The following TMEM181 variants were observed in gnomAD, a reference collection of about 807,000 sequenced individuals.
TMEM181 encodes the protein transmembrane protein 181, also known as G protein-coupled receptor 178.
In TMEM181, 39 loss-of-function variants were observed where a neutral mutation model predicts 71.9. The observed-to-expected ratio is 0.54, with a 90% CI of 0.42 to 0.71. The LOEUF (loss-of-function observed/expected upper bound fraction) is 0.71. TMEM181 is among the 30% of genes least tolerant of loss of function. TMEM181 has a pLI of 0.00. For missense variants in TMEM181, 595 were observed against 583.0 expected, an observed-to-expected ratio of 1.02 and a Z score of -0.21; for synonymous variants, 245 against 228.8, an observed-to-expected ratio of 1.07 and a Z score of -0.64.
Position 158,627,072 on chromosome 6 carries a change from C to G in TMEM181, c.1109+1318C>G, listed in dbSNP as rs371816227. Among the ~76,000 whole-genome samples, 183 of 143,162 alleles carry G rather than the reference C, an allele frequency of 1.3e-3. 2 individuals carry two copies. Among genetic ancestry groups the G allele is most frequent in the African/African-American group, 4.3e-3 (162 of 38,032 alleles). 93.9% of individuals were successfully genotyped at this position (143,162 alleles called of 152,430 possible). ...TCATTCTCACACCCTCACACCTTCA[C>G]TGACACACCCTCACCCTCACCCTCG... On this transcript the variant is annotated intron_variant, in intron 13 of 16. Coordinates refer to ENST00000684151, the MANE Select transcript of TMEM181 (RefSeq NM_001376852.1).
At chr6:158,572,315 A>G in intron 1 of TMEM181, 1 of 438,630 alleles carries the variant, frequency 2.3e-6, no homozygotes, top group Non-Finnish European at 4.6e-6. Flanking sequence ...TGAGCATACT[A>G]TGTCCATCTC....
chr6:158,577,163 T>TGACA (rs1429485164), intron 2 of TMEM181, among the ~76,000 whole-genome samples: 13 of 151,648 alleles, frequency 8.6e-5, no homozygotes, highest in Admixed American at 7.9e-4. Context: ...TAAGACCATA[T>TGACA]GACAGATCTG....
intron 6 of TMEM181, among the ~76,000 whole-genome samples, chr6:158,601,461 C>T (rs1394389566): frequency 3.9e-5 from 6 of 152,010 alleles, no homozygotes; most frequent in Admixed American, 3.3e-4. Context: ...GCAGGAGAAT[C>T]GCTTGAACCC....
rs186646165 is a variant in TMEM181 at position 158,573,330 on chromosome 6, C to T, written c.9-90C>T. ...GACTGGGAGGGGAGGTGGGCAGTGT[C>T]GTGTGGGGAGGGGTGTTGCTGCAGG... On this transcript the variant is annotated intron_variant, in intron 1 of 16. Coordinates refer to ENST00000684151, the MANE Select transcript of TMEM181 (RefSeq NM_001376852.1). 2.0e-3 allele frequency: 1,819 copies of T among 888,718 alleles called. 7 individuals carry two copies. The highest frequency in any genetic ancestry group is 2.8e-3 in the Non-Finnish European group (1,608 of 570,012). 55.1% of individuals were successfully genotyped at this position (888,718 alleles called of 1,614,324 possible).
In TMEM181 at chr6:158,580,958, C is replaced by A. The variant is rs769989682; in HGVS notation, c.131C>A (p.Thr44Asn). ...VGIRGPKVIQ[T>N]SAANFSLNNS... ...ACTTTAGGACCTAAAGTGATCCAGACTTCTGCGGCTAATTTTTCACTAAAT... is the reference window on the plus strand; with the variant it reads ...ACTTTAGGACCTAAAGTGATCCAGAATTCTGCGGCTAATTTTTCACTAAAT... Residue 44 changes from threonine to asparagine, a missense_variant, in exon 3 of 17, where the codon ACT becomes AAT. Transcript: ENST00000684151. 6.8e-6 allele frequency: 11 copies of A among 1,609,312 alleles called. No homozygotes were observed.
intron 1 of TMEM181, chr6:158,537,004 G>A: frequency 2.2e-6 from 1 of 452,390 alleles, no homozygotes; most frequent in Non-Finnish European, 3.0e-6. Context: ...CTACGGATGG[G>A]GACGGGGTCG....
intron 1 of TMEM181, among the ~76,000 whole-genome samples, chr6:158,538,311 C>T (rs1305668449): frequency 6.6e-6 from 1 of 151,950 alleles, no homozygotes; most frequent in African/African-American, 2.4e-5. Context: ...GGCCTGTGCC[C>T]CATCACCTGA....
chr6:158,587,375 C>T (rs560258338), intron 5 of TMEM181, among the ~76,000 whole-genome samples: 209 of 152,310 alleles, frequency 1.4e-3, no homozygotes, highest in Non-Finnish European at 2.3e-3. Flanking sequence ...TGTGTTACCC[C>T]TTGGGAATAT....
At chr6:158,585,991 A>G (rs1783748452) in intron 5 of TMEM181, among the ~76,000 whole-genome samples, 1 of 152,132 alleles carries the variant, frequency 6.6e-6, no homozygotes, top group African/African-American at 2.4e-5. Context: ...GGGCTGACTA[A>G]TTTTCCATGG....
At chr6:158,583,885 T>G (rs1783612461) in intron 3 of TMEM181, 69 bp from the exon 4 acceptor site, 1 of 1,176,104 alleles carries the variant, frequency 8.5e-7, no homozygotes. Context: ...CTTTGTGTGT[T>G]AAAACGATGA....
chr6:158,605,881 C>T (rs970764050), intron 7 of TMEM181, among the ~76,000 whole-genome samples: 1 of 152,152 alleles, frequency 6.6e-6, no homozygotes, highest in Admixed American at 6.5e-5. Flanking sequence ...CCCCCCAGAG[C>T]CCCAGTCTGC....
At chr6:158,583,712 A>G (rs1313041636) in intron 3 of TMEM181, among the ~76,000 whole-genome samples, 1 of 152,146 alleles carries the variant, frequency 6.6e-6, no homozygotes, top group Non-Finnish European at 1.5e-5. Flanking sequence ...AGGCAGGAGA[A>G]TGGCGTGAAC....
In TMEM181 at chr6:158,633,046, G is replaced by A. The variant is rs573267657; in HGVS notation, c.*1158G>A. On this transcript the variant is annotated 3_prime_UTR_variant, in exon 17 of 17. Coordinates refer to ENST00000684151, the MANE Select transcript of TMEM181 (RefSeq NM_001376852.1). ...ATTGCACCACTGCACTCCAGCCTGG[G>A]TGTCAGAGCGAGAACCCGTGTCATA... The A allele has an allele frequency of 3.9e-5, 6 of 152,338 alleles. No homozygotes were observed. Among genetic ancestry groups the A allele is most frequent in the African/African-American group, 7.2e-5 (3 of 41,558 alleles). 9.4% of individuals were successfully genotyped at this position (152,338 alleles called of 1,614,324 possible).
chr6:158,595,275 TTC>T (rs1203970259), intron 6 of TMEM181, among the ~76,000 whole-genome samples: 4 of 152,252 alleles, frequency 2.6e-5, no homozygotes, highest in African/African-American at 9.6e-5. Context: ...CTGCTTTCAT[TTC>T]TTTTTGGAAG....
At chr6:158,552,171 T>C (rs1781741696) in intron 1 of TMEM181, among the ~76,000 whole-genome samples, 1 of 152,232 alleles carries the variant, frequency 6.6e-6, no homozygotes, top group Non-Finnish European at 1.5e-5. Flanking sequence ...AAAAATCGAA[T>C]TGAGATAACA....
intron 1 of TMEM181, among the ~76,000 whole-genome samples, chr6:158,545,093 G>C (rs912886034): frequency 1.7e-4 from 26 of 152,324 alleles, no homozygotes; most frequent in African/African-American, 6.3e-4. Flanking sequence ...AGCTCTCCAG[G>C]CCCCGTTCCC....
chr6:158,617,468 T>C (rs1314318256), intron 10 of TMEM181, among the ~76,000 whole-genome samples: 1 of 137,404 alleles, frequency 7.3e-6, no homozygotes, highest in Non-Finnish European at 1.6e-5. Context: ...TTTTTGTGTC[T>C]CTATCTCCTT....
intron 2 of TMEM181, among the ~76,000 whole-genome samples, chr6:158,576,648 G>A (rs1783172794): frequency 6.6e-6 from 1 of 152,104 alleles, no homozygotes; most frequent in South Asian, 2.1e-4. Flanking sequence ...TTTGCACAGA[G>A]ACAGTCTATA....
intron 10 of TMEM181, among the ~76,000 whole-genome samples, chr6:158,622,238 C>A (rs1319731305): frequency 1.3e-5 from 2 of 152,158 alleles, no homozygotes; most frequent in East Asian, 3.8e-4. Context: ...AAAACTATAA[C>A]AATATATTAT....
Sources: allele counts gnomAD v4.1 joint callset (sites outside exome capture counted in the v4.1 genomes callset), GRCh38; gene constraint gnomAD v4.1.1; transcripts MANE v1.5; gene names NCBI Gene and HGNC (gene_info 2026-07-23, HGNC 2026-07-21).